DNAH10: variants seen among roughly 807,000 people sequenced by gnomAD.
DNAH10 encodes axonemal beta dynein heavy chain 10.
In DNAH10, 348 loss-of-function variants were observed where a neutral mutation model predicts 506.6. The ratio of observed to expected loss-of-function variants is 0.69; its 90% CI spans 0.63 to 0.75. The LOEUF is 0.75. Among genes scored for constraint, DNAH10 ranks in the 30% least tolerant of loss-of-function variants. The probability of loss-of-function intolerance (pLI) is 0.00; values close to 1 mark genes in which losing one functional copy is unlikely to be tolerated. For missense variants in DNAH10, 5,179 were observed against 5,787.1 expected, an observed-to-expected ratio of 0.89 and a Z score of 3.41; for synonymous variants, 2,059 against 2,198.6, an observed-to-expected ratio of 0.94 and a Z score of 1.78.
intron 69 of DNAH10, 199 bp downstream of exon 69, chr12:123,927,019 T>G (rs2137657841): frequency 1.6e-6 from 1 of 631,738 alleles, no homozygotes; most frequent in Non-Finnish European, 2.6e-6. Flanking sequence ...GTGATCATGG[T>G]GCTGTGCTGT....
intron 21 of DNAH10, chr12:123,814,181 C>T (rs936229701): frequency 3.7e-6 from 1 of 270,668 alleles, no homozygotes; most frequent in African/African-American, 2.2e-5. Context: ...GTGTTAATTT[C>T]CTTTAATAGA....
At chr12:123,868,222 C>G (rs1268166729) in intron 43 of DNAH10, 103 bp downstream of exon 43, 2 of 1,076,472 alleles carry the variant, frequency 1.9e-6, no homozygotes, top group Non-Finnish European at 2.6e-6. Flanking sequence ...ATGAGTTTTC[C>G]AGATTGTTTG....
At chr12:123,896,254 G>A (rs1432706571) in intron 54 of DNAH10, among the ~76,000 whole-genome samples, 2 of 151,608 alleles carry the variant, frequency 1.3e-5, no homozygotes, top group Non-Finnish European at 2.9e-5. Flanking sequence ...GTGAGGCACC[G>A]TTTTTCCTGC....
chr12:123,924,082 A>C (rs568509981), intron 66 of DNAH10, 196 bp from the exon 67 acceptor site: 3 of 794,102 alleles, frequency 3.8e-6, no homozygotes, highest in Non-Finnish European at 5.8e-6. Flanking sequence ...GGCCATCCTG[A>C]GGCTGGAAGC....
At chr12:123,826,583 ATAC>A (rs1463868607) in intron 24 of DNAH10, 101 bp from the exon 25 acceptor site, 2 of 973,784 alleles carry the variant, frequency 2.1e-6, no homozygotes, top group African/African-American at 3.2e-5. Flanking sequence ...TAGATGGGTA[ATAC>A]TTTAAAATAT....
rs115107721 is a variant in DNAH10, at chr12:123,815,556, G to T, written c.3780+1644G>T. The stretch of plus-strand genomic sequence containing the variant: ...AATTCCTGTACGAGGCTGGATGAAA[G>T]GGGAGGTAGGGGAAATCCGTGTCTT... On this transcript the variant is annotated intron_variant, in intron 21 of 78. Transcript: ENST00000673944. Among the ~76,000 whole-genome samples the T allele has an allele frequency of 1.7e-3, 263 of 152,260 alleles. 1 individual carries two copies. The highest frequency in any genetic ancestry group is 6.0e-3 in the African/African-American group (251 of 41,546).
At chr12:123,860,155 G>A (rs950251714) in intron 38 of DNAH10, among the ~76,000 whole-genome samples, 4 of 152,156 alleles carry the variant, frequency 2.6e-5, no homozygotes, top group Non-Finnish European at 5.9e-5. Context: ...AAAGACCTCC[G>A]TGGATGCTGA....
chr12:123,840,433 G>T (rs1011511434), intron 29 of DNAH10, among the ~76,000 whole-genome samples: 2 of 94,574 alleles, frequency 2.1e-5, no homozygotes, highest in Non-Finnish European at 3.9e-5. Flanking sequence ...CAGACAGGGC[G>T]TTGCTTTGTT....
chr12:123,904,555 C>A (rs375875738), intron 57 of DNAH10, among the ~76,000 whole-genome samples: 1 of 152,076 alleles, frequency 6.6e-6, no homozygotes, highest in Non-Finnish European at 1.5e-5. Context: ...AAATAGAGGG[C>A]GTGGCATGTG....
chr12:123,877,596 A>C, intron 47 of DNAH10, 140 bp from the exon 48 acceptor site: 1 of 1,194,424 alleles, frequency 8.4e-7, no homozygotes, highest in East Asian at 2.7e-5. Context: ...GATTACAGGC[A>C]TGAGCCACCG....
At chr12:123,920,901 C>T (rs1954692310) in intron 65 of DNAH10, among the ~76,000 whole-genome samples, 5 of 152,170 alleles carry the variant, frequency 3.3e-5, no homozygotes, top group Admixed American at 2.6e-4. Flanking sequence ...TCCTCAGTAG[C>T]TGGGACTACA....
Position 123,785,794 on chromosome 12 carries a change from G to A in DNAH10, c.1279G>A (p.Ala427Thr), listed in dbSNP as rs762780876. Residue 427 changes from alanine (A) to threonine (T), a missense_variant, in exon 9 of 79, where the codon GCC becomes ACC. This residue lies in a region of DNAH10 where 4,844 missense variants were observed against 5,430.5 expected (regional missense o/e 0.89). Transcript: ENST00000673944. The surrounding 1 kb of genome is among the most constrained non-coding windows in gnomAD (Gnocchi z 4.1). ...CCACGTGGTCCTGGACACCATCCCC[G>A]CCATGATGAGTGCCCTGCGGATGGT... ...GFHVVLDTIP[A>T]MMSALRMVWI... is the part of the protein sequence containing the mutation. The A allele has an allele frequency of 5.6e-6, 9 of 1,613,876 alleles. No individual in the cohort carries two copies. Among genetic ancestry groups the A allele is most frequent in the Middle Eastern group, 1.6e-4 (1 of 6,084 alleles).
rs757900300 is a variant in DNAH10, at chr12:123,787,949, G to A, written c.1567G>A (p.Glu523Lys). 3.1e-6 allele frequency: 5 copies of A among 1,596,454 alleles called. No homozygotes were observed. The South Asian group carries it at 3.4e-5, about 11-fold the overall frequency. Reference protein sequence around the residue: ...RWEFDRKRLFERTDYMATICQ... With the variant: ...RWEFDRKRLFKRTDYMATICQ... ...GGAGTTTGACCGGAAGCGGCTGTTC[G>A]AGAGGACGGATTATATGGCCACCAT... The change falls in exon 10 of 79, where the codon GAG (glutamate) becomes AAG (lysine). Residue 523 changes from glutamate to lysine, a missense_variant. This residue lies in a region of DNAH10 where 4,844 missense variants were observed against 5,430.5 expected (regional missense o/e 0.89). Transcript: ENST00000673944. This position sits in a 1 kb window ranked among gnomAD's most constrained non-coding sequence, Gnocchi z 4.6.
At chr12:123,876,574 A>T (rs1326981406) in intron 47 of DNAH10, among the ~76,000 whole-genome samples, 1 of 152,220 alleles carries the variant, frequency 6.6e-6, no homozygotes, top group Non-Finnish European at 1.5e-5. Flanking sequence ...TGAAGGCTTT[A>T]GTGAGCCAAG....
intron 57 of DNAH10, among the ~76,000 whole-genome samples, chr12:123,906,163 A>G (rs1348752090): frequency 6.6e-6 from 1 of 151,664 alleles, no homozygotes; most frequent in Admixed American, 6.6e-5. Flanking sequence ...CGATCTCCTG[A>G]CCTTGTGATC....
In DNAH10 at chr12:123,928,245, C is replaced by T. The variant is rs1208490894; in HGVS notation, c.12106-142C>T. ...AAGATGGTTTATTTGAAGGCTCCACCTGTAGCTCCTGGATCCTCGGCTTGC... is the reference window on the plus strand; with the variant it reads ...AAGATGGTTTATTTGAAGGCTCCACTTGTAGCTCCTGGATCCTCGGCTTGC... On this transcript the variant is annotated intron_variant, in intron 69 of 78. Coordinates refer to ENST00000673944, the MANE Select transcript of DNAH10 (RefSeq NM_001372106.1). This position sits in a 1 kb window ranked among gnomAD's most constrained non-coding sequence, Gnocchi z 4.9. 3.1e-5 allele frequency: 28 copies of T among 912,050 alleles called. No individual in the cohort carries two copies. The highest frequency in any genetic ancestry group is 4.4e-5 in the Non-Finnish European group (27 of 614,436). 56.5% of individuals were successfully genotyped at this position (912,050 alleles called of 1,614,324 possible).
intron 54 of DNAH10, among the ~76,000 whole-genome samples, chr12:123,895,965 T>C (rs146556756): frequency 0.013 from 1,922 of 151,790 alleles, 22 homozygotes; most frequent in South Asian, 0.023. Flanking sequence ...ATACAAAAAT[T>C]AGCTGGGTGT....
At chr12:123,803,238 C>T (rs1445876392) in intron 16 of DNAH10, among the ~76,000 whole-genome samples, 1 of 152,054 alleles carries the variant, frequency 6.6e-6, no homozygotes, top group Non-Finnish European at 1.5e-5. Flanking sequence ...TTTTTATTTT[C>T]ATAAAGTGAG....
At chr12:123,847,098 A>G (rs1274202715) in intron 32 of DNAH10, among the ~76,000 whole-genome samples, 4 of 151,434 alleles carry the variant, frequency 2.6e-5, no homozygotes, top group Non-Finnish European at 5.9e-5. Flanking sequence ...CTATCTATCT[A>G]ATCTATCTAT....
Sources: allele counts gnomAD v4.1 joint callset (sites outside exome capture counted in the v4.1 genomes callset), GRCh38; gene constraint gnomAD v4.1.1; regional missense constraint gnomAD v4.1.1; non-coding constraint Gnocchi (gnomAD v3.1); transcripts MANE v1.5; gene names NCBI Gene and HGNC (gene_info 2026-07-23, HGNC 2026-07-21).